NID1: variants seen among roughly 807,000 people sequenced by gnomAD.
NID1 encodes the protein nidogen 1.
In NID1, 76 loss-of-function variants were observed where a neutral mutation model predicts 130.6. The ratio of observed to expected loss-of-function variants is 0.58; its 90% CI spans 0.48 to 0.70. The LOEUF (loss-of-function observed/expected upper bound fraction) is 0.70. NID1 is among the 30% of genes least tolerant of loss of function. The probability of loss-of-function intolerance (pLI) is 0.00; values close to 1 mark genes in which losing one functional copy is unlikely to be tolerated. For missense variants in NID1, 1,517 were observed against 1,664.8 expected, an observed-to-expected ratio of 0.91 and a Z score of 1.54; for synonymous variants, 665 against 675.1, an observed-to-expected ratio of 0.98 and a Z score of 0.23.
intron 1 of NID1, among the ~76,000 whole-genome samples, chr1:236,063,521 A>C (rs1311947855): frequency 1.3e-5 from 2 of 152,250 alleles, no homozygotes; most frequent in East Asian, 3.9e-4. Flanking sequence ...GCATATAAGC[A>C]TATATAGTAC....
rs1449821833 is a variant in NID1, at chr1:236,065,086, G to A, written c.-7C>T. The A allele has an allele frequency of 7.7e-6, 12 of 1,548,982 alleles. No individual in the cohort carries two copies. Among genetic ancestry groups the A allele is most frequent in the Non-Finnish European group, 1.0e-5 (12 of 1,146,284 alleles). On this transcript the variant is annotated 5_prime_UTR_variant, in exon 1 of 20. Transcript: ENST00000264187. This position sits in a 1 kb window ranked among gnomAD's most constrained non-coding sequence, Gnocchi z 4.1. ...GGCTGCTCGAGGCCAACATGTTCCCGAACTGCGGTCCCGCAAACCCGGTCC... is the reference window on the plus strand; with the variant it reads ...GGCTGCTCGAGGCCAACATGTTCCCAAACTGCGGTCCCGCAAACCCGGTCC...
At chr1:236,057,590 C>T (rs1041149939) in intron 1 of NID1, among the ~76,000 whole-genome samples, 11 of 151,674 alleles carry the variant, frequency 7.3e-5, no homozygotes, top group Admixed American at 2.6e-4. Context: ...ATTAGCCGGG[C>T]GTGGTCATGC....
At chr1:236,002,061 C>T (rs914444313) in intron 12 of NID1, among the ~76,000 whole-genome samples, 1 of 152,232 alleles carries the variant, frequency 6.6e-6, no homozygotes, top group African/African-American at 2.4e-5. Flanking sequence ...ATAGGAGAGT[C>T]CTTGATTGTA....
At chr1:236,030,317 C>T (rs1659058695) in intron 6 of NID1, among the ~76,000 whole-genome samples, 1 of 152,206 alleles carries the variant, frequency 6.6e-6, no homozygotes, top group South Asian at 2.1e-4. Flanking sequence ...CAGCCCCAGA[C>T]AGGCAGGAAA....
At chr1:236,054,673 G>C (rs1006890293) in intron 1 of NID1, among the ~76,000 whole-genome samples, 1 of 150,566 alleles carries the variant, frequency 6.6e-6, no homozygotes, top group South Asian at 2.1e-4. Context: ...ACAGAGTCTC[G>C]CTCTGTCACC....
intron 1 of NID1, among the ~76,000 whole-genome samples, chr1:236,051,791 C>T (rs1659769426): frequency 6.6e-6 from 1 of 152,222 alleles, no homozygotes; most frequent in Non-Finnish European, 1.5e-5. Flanking sequence ...CACATCCAGA[C>T]AATTTAGTTT....
rs751478219 is a variant in NID1 at position 236,029,704 on chromosome 1, C to A, written c.1584G>T (p.Pro528=). 2 of 1,614,088 alleles carry A rather than the reference C, an allele frequency of 1.2e-6. No homozygotes were observed. The highest frequency in any genetic ancestry group is 1.7e-6 in the Non-Finnish European group (2 of 1,180,034). The change falls in exon 7 of 20, where the codon CCG becomes CCT. Residue 528 remains proline, a synonymous_variant. Coordinates refer to ENST00000264187, the MANE Select transcript of NID1 (RefSeq NM_002508.3). ...ACCGCTGCTTAATGACCAGATTGCC[C>A]GGGTGCCCCACGAAGGTCACCTCAG... ...RQAEVTFVGH[P]GNLVIKQRFS...
intron 6 of NID1, among the ~76,000 whole-genome samples, chr1:236,031,006 G>A (rs554358351): frequency 6.6e-6 from 1 of 152,290 alleles, no homozygotes; most frequent in South Asian, 2.1e-4. Context: ...TTGCATGAGA[G>A]CATCAATATT....
chr1:236,007,586 T>C (rs1658286931), intron 12 of NID1, among the ~76,000 whole-genome samples: 1 of 152,208 alleles, frequency 6.6e-6, no homozygotes. Flanking sequence ...TCTTTCTCTC[T>C]CTCTCTCTCT....
chr1:236,009,921 G>A (rs2102814582), intron 12 of NID1, among the ~76,000 whole-genome samples: 1 of 152,184 alleles, frequency 6.6e-6, no homozygotes, highest in East Asian at 1.9e-4. Context: ...GCCCTTATTG[G>A]TTTTAACTTT....
At chr1:236,012,520 T>C (rs2102816638) in intron 11 of NID1, among the ~76,000 whole-genome samples, 1 of 133,534 alleles carries the variant, frequency 7.5e-6, no homozygotes, top group South Asian at 2.3e-4. Flanking sequence ...ATCGTGCCAT[T>C]GCACTCCAGC....
At chr1:236,014,673 C>T (rs1185727235) in intron 10 of NID1, among the ~76,000 whole-genome samples, 5 of 152,186 alleles carry the variant, frequency 3.3e-5, no homozygotes, top group African/African-American at 9.7e-5. Context: ...TTAACTGCTA[C>T]AGCTTTTTGC....
At chr1:236,023,765 T>A (rs2102824845) in intron 9 of NID1, among the ~76,000 whole-genome samples, 1 of 152,326 alleles carries the variant, frequency 6.6e-6, no homozygotes, top group South Asian at 2.1e-4. Flanking sequence ...GTTATATTAC[T>A]GGTGTTATCA....
rs1438007821 is a variant in NID1, at chr1:236,013,415, G to A, written c.2400C>T (p.Cys800=). The change falls in exon 11 of 20, where the codon TGC becomes TGT. Residue 800 remains cysteine, a synonymous_variant. Transcript: ENST00000264187. ...AAGATCAGAGCAACCACACACCTTG[G>A]CAGGCTTGGCCATCCCCAGAAAAGC... ...LPGFSGDGQA[C]QDVDECQPSR... 1.2e-6 allele frequency: 2 copies of A among 1,613,788 alleles called. No individual in the cohort carries two copies. Among genetic ancestry groups the A allele is most frequent in the South Asian group, 1.1e-5 (1 of 91,060 alleles).
chr1:235,979,731 G>T lies in NID1; in HGVS notation c.3509+91C>A. The T allele has an allele frequency of 6.7e-7, 1 of 1,490,190 alleles. No individual in the cohort carries two copies. The highest frequency in any genetic ancestry group is 9.3e-7 in the Non-Finnish European group (1 of 1,079,864). The allele number at this position is 1,490,190 out of a possible 1,614,324, so 92.3% of individuals were successfully genotyped here. A position where few individuals can be genotyped will look rare whatever the true frequency, so the allele number is the denominator to read the frequency against. ...GCATTTCTGGAGGCTCAAAAGTCAA[G>T]CCAAGAGGCCAGATGGGAAGGGCCT... On this transcript the variant is annotated intron_variant, in intron 18 of 19. Coordinates refer to ENST00000264187, the MANE Select transcript of NID1 (RefSeq NM_002508.3). This position sits in a 1 kb window ranked among gnomAD's most constrained non-coding sequence, Gnocchi z 4.6.
intron 1 of NID1, among the ~76,000 whole-genome samples, chr1:236,055,248 A>G (rs1224250639): frequency 1.3e-5 from 2 of 151,648 alleles, no homozygotes; most frequent in Non-Finnish European, 2.9e-5. Flanking sequence ...AGCTTGCAGT[A>G]AGCCAAGACC....
At chr1:235,986,314 TA>T (rs1295323246) in intron 14 of NID1, among the ~76,000 whole-genome samples, 1 of 151,954 alleles carries the variant, frequency 6.6e-6, no homozygotes, top group African/African-American at 2.4e-5. Context: ...GGGGAATCTA[TA>T]AAACTGCTAT....
chr1:236,011,174 G>A lies in NID1; in HGVS notation c.2527+747C>T, dbSNP rs545805371. On this transcript the variant is annotated intron_variant, in intron 12 of 19. Coordinates refer to ENST00000264187, the MANE Select transcript of NID1 (RefSeq NM_002508.3). ...GCTTAAAAAGCGATGGGATGAAAAT[G>A]TTTACTTATCTCTAATTGAAAACAT... Among the ~76,000 whole-genome samples the A allele has an allele frequency of 2.3e-4, 35 of 152,180 alleles. 1 individual carries two copies. Among genetic ancestry groups the A allele is most frequent in the Admixed American group, 7.2e-4 (11 of 15,274 alleles).
chr1:236,040,300 C>A (rs914710330), intron 4 of NID1, among the ~76,000 whole-genome samples: 1 of 152,162 alleles, frequency 6.6e-6, no homozygotes, highest in Non-Finnish European at 1.5e-5. Context: ...AAGACATGAG[C>A]CCCTGTCCTT....
Sources: gnomAD v4.1 joint callset for allele counts (sites outside exome capture counted in the v4.1 genomes callset) on GRCh38, gnomAD v4.1.1 for gene constraint, Gnocchi (gnomAD v3.1) non-coding constraint, MANE v1.5 for transcripts, NCBI Gene and HGNC (gene_info 2026-07-23, HGNC 2026-07-21) for gene names.